WDR70: variants seen among roughly 807,000 people sequenced by gnomAD.
WDR70 encodes WD repeat domain 70.
Under a neutral mutation model 88.6 loss-of-function variants are expected in WDR70, and 53 were observed. The ratio of observed to expected loss-of-function variants is 0.60; its 90% CI spans 0.48 to 0.75. The LOEUF (loss-of-function observed/expected upper bound fraction) is 0.75. WDR70 is among the 30% of genes least tolerant of loss of function. The pLI, the probability that WDR70 is intolerant of heterozygous loss-of-function variation, is 0.00. For synonymous variants in WDR70, 280 were observed against 270.0 expected (o/e 1.04, Z -0.36); for missense variants, 610 against 823.2 (o/e 0.74, Z 3.17).
intron 10 of WDR70, among the ~76,000 whole-genome samples, chr5:37,611,765 T>C (rs953657713): frequency 3.4e-5 from 5 of 148,458 alleles, no homozygotes; most frequent in African/African-American, 1.0e-4. Context: ...TCCTTTGAGA[T>C]TATTTTGATT....
chr5:37,454,552 A>G (rs1159895496), intron 7 of WDR70, among the ~76,000 whole-genome samples: 3 of 152,222 alleles, frequency 2.0e-5, no homozygotes, highest in East Asian at 3.8e-4. Flanking sequence ...TTCTGAGTCA[A>G]TCCTAGATTC....
chr5:37,654,605 T>G (rs561149312), intron 10 of WDR70, among the ~76,000 whole-genome samples: 1 of 152,220 alleles, frequency 6.6e-6, no homozygotes, highest in East Asian at 1.9e-4. Context: ...TCTAAGAACT[T>G]GCTTTATGAA....
chr5:37,600,359 C>G (rs1743836618), intron 9 of WDR70, among the ~76,000 whole-genome samples: 1 of 151,946 alleles, frequency 6.6e-6, no homozygotes, highest in Non-Finnish European at 1.5e-5. Context: ...AACCCCATCT[C>G]TACTAAATAT....
chr5:37,594,236 G>T (rs1405608897), intron 9 of WDR70, among the ~76,000 whole-genome samples: 1 of 152,080 alleles, frequency 6.6e-6, no homozygotes, highest in African/African-American at 2.4e-5. Flanking sequence ...TGTCCTGAAT[G>T]GTATTGCCTA....
intron 8 of WDR70, among the ~76,000 whole-genome samples, chr5:37,507,561 C>T (rs934110883): frequency 1.4e-4 from 22 of 152,154 alleles, no homozygotes; most frequent in African/African-American, 5.3e-4. Flanking sequence ...TCTCTACTTC[C>T]ACAAGATCAC....
At chr5:37,663,240 T>C (rs1308337306) in intron 10 of WDR70, among the ~76,000 whole-genome samples, 3 of 152,258 alleles carry the variant, frequency 2.0e-5, no homozygotes, top group Admixed American at 6.5e-5. Flanking sequence ...TTATACTGAC[T>C]GCGGTTTTGA....
At chr5:37,708,173 A>G (rs1245872857) in intron 13 of WDR70, among the ~76,000 whole-genome samples, 2 of 150,710 alleles carry the variant, frequency 1.3e-5, no homozygotes, top group African/African-American at 4.9e-5. Flanking sequence ...TGTTTTTCAG[A>G]ATATCCCTTT....
intron 17 of WDR70, among the ~76,000 whole-genome samples, chr5:37,734,396 C>T (rs1748239490): frequency 6.6e-6 from 1 of 151,970 alleles, no homozygotes; most frequent in Non-Finnish European, 1.5e-5. Context: ...GAATCCAATT[C>T]TTTATTTATT....
At chr5:37,679,559 C>T (rs1041283928) in intron 10 of WDR70, among the ~76,000 whole-genome samples, 2 of 152,266 alleles carry the variant, frequency 1.3e-5, no homozygotes, top group Non-Finnish European at 1.5e-5. Flanking sequence ...TTTCGTGAAC[C>T]GCGAATGCTG....
chr5:37,742,975 G>C (rs6451341), intron 17 of WDR70, among the ~76,000 whole-genome samples: 18,907 of 152,224 alleles, frequency 0.12, 2,440 homozygotes, highest in African/African-American at 0.33. Flanking sequence ...AGTTAGATGT[G>C]ATGCCTTGAA....
chr5:37,495,104 T>C (rs1171881382), intron 8 of WDR70, among the ~76,000 whole-genome samples: 1 of 152,226 alleles, frequency 6.6e-6, no homozygotes, highest in Non-Finnish European at 1.5e-5. Context: ...AAAAAATGTG[T>C]GCAGATTCCT....
At chr5:37,605,017 CTT>C in intron 9 of WDR70, 45 bp from the exon 10 acceptor site, 1 of 1,454,968 alleles carries the variant, frequency 6.9e-7, no homozygotes, top group Non-Finnish European at 9.1e-7. Context: ...CTCCCCCCTC[CTT>C]CTTTTTTTTT....
intron 9 of WDR70, among the ~76,000 whole-genome samples, chr5:37,535,616 A>C (rs1377115751): frequency 6.6e-6 from 1 of 152,232 alleles, no homozygotes; most frequent in Non-Finnish European, 1.5e-5. Context: ...CAAAGTCAAT[A>C]GAAATGGTCT....
At chr5:37,614,955 A>C (rs1463471337) in intron 10 of WDR70, among the ~76,000 whole-genome samples, 1 of 152,076 alleles carries the variant, frequency 6.6e-6, no homozygotes, top group Non-Finnish European at 1.5e-5. Flanking sequence ...TGATACTCTT[A>C]GAGAGAAAAT....
intron 7 of WDR70, among the ~76,000 whole-genome samples, chr5:37,447,436 GT>G (rs1386479864): frequency 6.6e-6 from 1 of 152,272 alleles, no homozygotes; most frequent in East Asian, 1.9e-4. Context: ...CACATTACTG[GT>G]TATATACCCA....
chr5:37,415,890 C>G (rs1212175282), intron 5 of WDR70, among the ~76,000 whole-genome samples: 2 of 148,746 alleles, frequency 1.3e-5, no homozygotes, highest in African/African-American at 5.0e-5. Context: ...GGGGCAGAGA[C>G]GCTCCCCACA....
intron 5 of WDR70, among the ~76,000 whole-genome samples, chr5:37,400,781 G>A (rs1334011715): frequency 6.6e-6 from 1 of 152,112 alleles, no homozygotes; most frequent in Admixed American, 6.6e-5. Flanking sequence ...TAAACAGAAG[G>A]GAAGAAAGAA....
At chr5:37,637,268 G>A (rs1174801535) in intron 10 of WDR70, among the ~76,000 whole-genome samples, 3 of 151,840 alleles carry the variant, frequency 2.0e-5, no homozygotes, top group Admixed American at 1.3e-4. Context: ...TTGAACCTGA[G>A]AGGCGAAGTT....
intron 9 of WDR70, among the ~76,000 whole-genome samples, chr5:37,591,639 AC>A: frequency 6.6e-6 from 1 of 152,226 alleles, no homozygotes; most frequent in East Asian, 1.9e-4. Context: ...TTCTATACAA[AC>A]TCTTCCAGAA....
Sources: allele counts gnomAD v4.1 joint callset (sites outside exome capture counted in the v4.1 genomes callset), GRCh38; gene constraint gnomAD v4.1.1; transcripts MANE v1.5; gene names NCBI Gene and HGNC (gene_info 2026-07-23, HGNC 2026-07-21).